KCNK13: variants seen among roughly 807,000 people sequenced by gnomAD.
KCNK13 encodes potassium two pore domain channel subfamily K member 13.
In KCNK13, 12 loss-of-function variants were observed where a neutral mutation model predicts 23.4. The observed-to-expected ratio is 0.51, with a 90% CI of 0.33 to 0.83. The LOEUF is 0.83. Ranked by LOEUF, KCNK13 falls within the 40% of genes least tolerant of loss-of-function variation. The pLI is 0.02. For missense variants in KCNK13, 463 were observed against 556.3 expected (o/e 0.83, Z 1.69); for synonymous variants, 231 against 229.5 (o/e 1.01, Z -0.06).
In KCNK13 at chr14:90,184,499, G is replaced by A; in HGVS notation, c.723G>A (p.Gly241=). Residue 241 remains glycine, a synonymous_variant, in exon 2 of 2, where the codon GGG becomes GGA. Coordinates refer to ENST00000282146, the MANE Select transcript of KCNK13 (RefSeq NM_022054.4). This position sits in a 1 kb window ranked among gnomAD's most constrained non-coding sequence, Gnocchi z 5.6. ...CFVAFSTIGF[G]DLVSSQNAHY... ...TGGCTTTCAGCACCATTGGCTTTGG[G>A]GACCTGGTCAGCAGCCAGAACGCCC... 6.2e-7 allele frequency: 1 copy of A among 1,614,224 alleles called. No individual in the cohort carries two copies. The highest frequency in any genetic ancestry group is 1.1e-5 in the South Asian group (1 of 91,082).
intron 1 of KCNK13, among the ~76,000 whole-genome samples, chr14:90,078,481 G>GAAGGAAGAAAGGAGAAAGGA (rs1889168421): frequency 6.6e-6 from 1 of 150,926 alleles, no homozygotes; most frequent in Non-Finnish European, 1.5e-5. Flanking sequence ...GGGAAGGAAG[G>GAAGGAAGAAAGGAGAAAGGA]AAGGAAGAAA....
At chr14:90,137,012 G>A (rs1426566658) in intron 1 of KCNK13, among the ~76,000 whole-genome samples, 2 of 150,130 alleles carry the variant, frequency 1.3e-5, no homozygotes, top group African/African-American at 4.8e-5. Flanking sequence ...CAGTGAGAGT[G>A]TAGTTTCTAG....
intron 1 of KCNK13, among the ~76,000 whole-genome samples, chr14:90,085,016 C>T (rs908418491): frequency 1.3e-5 from 2 of 152,090 alleles, no homozygotes; most frequent in Admixed American, 1.3e-4. Flanking sequence ...GATCTTGGCT[C>T]ACTGCAACCT....
intron 1 of KCNK13, among the ~76,000 whole-genome samples, chr14:90,147,020 T>A (rs74082648): frequency 0.065 from 9,875 of 152,246 alleles, 414 homozygotes; most frequent in South Asian, 0.21. Context: ...ATATACATGT[T>A]AACCTATCAC....
chr14:90,092,095 T>G (rs367668766), intron 1 of KCNK13, among the ~76,000 whole-genome samples: 129 of 152,118 alleles, frequency 8.5e-4, no homozygotes, highest in Admixed American at 2.6e-3. Context: ...CTAATTTTTT[T>G]TATTTTTTAG....
chr14:90,103,002 G>C (rs1043386432), intron 1 of KCNK13, among the ~76,000 whole-genome samples: 1 of 152,080 alleles, frequency 6.6e-6, no homozygotes, highest in Admixed American at 6.5e-5. Flanking sequence ...TCAATGTTTA[G>C]CTCCCACTTA....
intron 1 of KCNK13, among the ~76,000 whole-genome samples, chr14:90,131,231 C>CATT (rs1238497050): frequency 2.6e-5 from 4 of 151,630 alleles, no homozygotes; most frequent in African/African-American, 7.3e-5. Context: ...TTTATTTATT[C>CATT]ATTATTATTA....
chr14:90,063,586 A>G (rs996493028), intron 1 of KCNK13, among the ~76,000 whole-genome samples: 4 of 152,252 alleles, frequency 2.6e-5, no homozygotes, highest in African/African-American at 9.6e-5. Context: ...CCAAGCTGCA[A>G]AAAAGGCTGG....
intron 1 of KCNK13, among the ~76,000 whole-genome samples, chr14:90,063,020 A>G (rs2140384178): frequency 6.6e-6 from 1 of 152,316 alleles, no homozygotes; most frequent in East Asian, 1.9e-4. Context: ...CCGAGAAAAA[A>G]TCAGAACAGC....
intron 1 of KCNK13, among the ~76,000 whole-genome samples, chr14:90,082,247 T>G (rs1433734401): frequency 2.0e-5 from 3 of 150,474 alleles, no homozygotes; most frequent in Non-Finnish European, 4.4e-5. Context: ...TTTTTTTTAG[T>G]AGAGACAGGG....
chr14:90,138,562 A>G (rs1889965290), intron 1 of KCNK13, among the ~76,000 whole-genome samples: 1 of 152,206 alleles, frequency 6.6e-6, no homozygotes. Context: ...AGCATTCCCT[A>G]TTTACCATGG....
intron 1 of KCNK13, among the ~76,000 whole-genome samples, chr14:90,111,618 T>G (rs1353009746): frequency 2.0e-5 from 3 of 152,142 alleles, no homozygotes; most frequent in African/African-American, 7.2e-5. Context: ...TGACCTGCAC[T>G]TCTTTGGAGA....
chr14:90,126,709 A>G (rs934657371), intron 1 of KCNK13, among the ~76,000 whole-genome samples: 1 of 152,066 alleles, frequency 6.6e-6, no homozygotes, highest in Non-Finnish European at 1.5e-5. Context: ...ATCCCTGGCT[A>G]ATTTTTATAT....
chr14:90,070,304 A>G (rs1363655658), intron 1 of KCNK13, among the ~76,000 whole-genome samples: 4 of 152,204 alleles, frequency 2.6e-5, no homozygotes, highest in Non-Finnish European at 4.4e-5. Flanking sequence ...GCAAAAATGA[A>G]TCTCCTTATA....
At chr14:90,148,780 A>G (rs1270488092) in intron 1 of KCNK13, among the ~76,000 whole-genome samples, 1 of 152,242 alleles carries the variant, frequency 6.6e-6, no homozygotes, top group Admixed American at 6.5e-5. Flanking sequence ...GTAATAAATC[A>G]TATTCGCTCT....
intron 1 of KCNK13, among the ~76,000 whole-genome samples, chr14:90,131,154 T>TTTA (rs1375282098): frequency 5.9e-5 from 9 of 152,314 alleles, no homozygotes; most frequent in African/African-American, 2.2e-4. Flanking sequence ...TCAAACACAT[T>TTTA]TTATAAGAAC....
chr14:90,088,914 A>C (rs77619213), intron 1 of KCNK13, among the ~76,000 whole-genome samples: 254 of 152,300 alleles, frequency 1.7e-3, no homozygotes, highest in Non-Finnish European at 2.9e-3. Context: ...GCCACCATCC[A>C]TGTAAGACTT....
At chr14:90,086,432 C>T (rs1030308325) in intron 1 of KCNK13, among the ~76,000 whole-genome samples, 2 of 152,106 alleles carry the variant, frequency 1.3e-5, no homozygotes, top group Non-Finnish European at 2.9e-5. Context: ...CTTTGTTCAG[C>T]CATGATTTAA....
At chr14:90,117,057 T>C (rs1889685410) in intron 1 of KCNK13, among the ~76,000 whole-genome samples, 2 of 152,044 alleles carry the variant, frequency 1.3e-5, no homozygotes, top group Admixed American at 1.3e-4. Flanking sequence ...AAGAATAAAA[T>C]ATAACAATTA....
Sources: allele counts gnomAD v4.1 joint callset (sites outside exome capture counted in the v4.1 genomes callset), GRCh38; gene constraint gnomAD v4.1.1; non-coding constraint Gnocchi (gnomAD v3.1); transcripts MANE v1.5; gene names NCBI Gene and HGNC (gene_info 2026-07-23, HGNC 2026-07-21).